Variants in IQSEC1 observed in about 807,000 individuals in gnomAD.
The protein encoded by IQSEC1 is IQ motif and SEC7 domain-containing protein 1.
A neutral mutation model predicts 91.0 loss-of-function variants in IQSEC1; 31 were observed. That is an observed-to-expected ratio of 0.34 (90% CI 0.26 to 0.46). IQSEC1 has a LOEUF of 0.46. Ranked by LOEUF, IQSEC1 falls within the 20% of genes least tolerant of loss-of-function variation. The pLI, the probability that IQSEC1 is intolerant of heterozygous loss-of-function variation, is 1.00. For synonymous variants in IQSEC1, 699 were observed against 662.6 expected, an observed-to-expected ratio of 1.05 and a Z score of -0.84; for missense variants, 1,388 against 1,575.6, an observed-to-expected ratio of 0.88 and a Z score of 2.02.
At chr3:13,200,792 CT>C (rs2125048754) in intron 1 of IQSEC1, among the ~76,000 whole-genome samples, 1 of 152,346 alleles carries the variant, frequency 6.6e-6, no homozygotes, top group East Asian at 1.9e-4. Flanking sequence ...CAGTTACTGC[CT>C]TGCTGTTTTG....
intron 1 of IQSEC1, among the ~76,000 whole-genome samples, chr3:13,001,539 G>A (rs954936414): frequency 3.3e-5 from 5 of 152,198 alleles, no homozygotes; most frequent in African/African-American, 9.7e-5. Context: ...ATAAAGAAAA[G>A]GCAGCCACGA....
intron 2 of IQSEC1, among the ~76,000 whole-genome samples, chr3:13,087,151 G>A (rs1376846741): frequency 6.6e-6 from 1 of 151,224 alleles, no homozygotes; most frequent in Non-Finnish European, 1.5e-5. Context: ...TCTTCCTACA[G>A]TCTAAATCTA....
intron 2 of IQSEC1, among the ~76,000 whole-genome samples, chr3:13,099,915 G>A (rs986999122): frequency 6.6e-6 from 1 of 152,228 alleles, no homozygotes; most frequent in Non-Finnish European, 1.5e-5. Context: ...CAGGAACAAG[G>A]AATCAGGGTG....
intron 1 of IQSEC1, among the ~76,000 whole-genome samples, chr3:13,184,653 G>A (rs1164639263): frequency 6.6e-6 from 1 of 152,208 alleles, no homozygotes; most frequent in Non-Finnish European, 1.5e-5. Flanking sequence ...AGAAGAACCA[G>A]AACTGTCTCC....
intron 1 of IQSEC1, among the ~76,000 whole-genome samples, chr3:13,037,725 C>G (rs1210892301): frequency 6.6e-6 from 1 of 152,078 alleles, no homozygotes; most frequent in African/African-American, 2.4e-5. Flanking sequence ...ATGGATGAAC[C>G]TTGAGGCCAC....
intron 2 of IQSEC1, among the ~76,000 whole-genome samples, chr3:13,081,956 C>A (rs1705653023): frequency 6.6e-6 from 1 of 152,234 alleles, no homozygotes; most frequent in South Asian, 2.1e-4. Context: ...CGACCAAAGA[C>A]TGCAGGGGTC....
At chr3:13,154,446 T>C (rs752317146) in intron 2 of IQSEC1, among the ~76,000 whole-genome samples, 1,163 of 58,360 alleles carry the variant, frequency 0.02, 52 homozygotes, top group East Asian at 0.05. Context: ...TGCATATATA[T>C]ATATATATAT....
At chr3:13,239,653 C>A (rs1181026705) in intron 1 of IQSEC1, among the ~76,000 whole-genome samples, 1 of 152,260 alleles carries the variant, frequency 6.6e-6, no homozygotes, top group African/African-American at 2.4e-5. Flanking sequence ...TTACTGAGGA[C>A]AAACCCTCGG....
intron 13 of IQSEC1, 130 bp from the exon 14 acceptor site, chr3:12,901,652 GGTGGGGCTCA>G (rs1694323282): frequency 1.3e-6 from 1 of 789,738 alleles, no homozygotes; most frequent in Admixed American, 2.5e-5. Flanking sequence ...CTGGCCAGAG[GGTGGGGCTCA>G]GTGAGGCTGG....
chr3:13,044,338 C>T (rs1704407477), intron 1 of IQSEC1, among the ~76,000 whole-genome samples: 1 of 152,198 alleles, frequency 6.6e-6, no homozygotes, highest in Admixed American at 6.5e-5. Flanking sequence ...CACAGGACAG[C>T]CCCCACACCA....
chr3:13,142,226 G>A (rs935989219), intron 2 of IQSEC1, among the ~76,000 whole-genome samples: 90 of 152,364 alleles, frequency 5.9e-4, no homozygotes, highest in African/African-American at 2.1e-3. Flanking sequence ...GGCTGCGGGA[G>A]TGCATTTACC....
intron 1 of IQSEC1, among the ~76,000 whole-genome samples, chr3:13,046,839 G>A (rs955227970): frequency 1.3e-5 from 2 of 152,182 alleles, no homozygotes; most frequent in African/African-American, 4.8e-5. Context: ...AGCCCTCTAA[G>A]CCACCTCCAC....
At chr3:13,274,793 C>A (rs560914787) in intron 1 of IQSEC1, among the ~76,000 whole-genome samples, 1 of 152,364 alleles carries the variant, frequency 6.6e-6, no homozygotes, top group East Asian at 1.9e-4. Context: ...CCCATAGCAG[C>A]CCTGCCAGCT....
chr3:12,914,060 C>G (rs1291727303), intron 8 of IQSEC1, among the ~76,000 whole-genome samples: 1 of 152,234 alleles, frequency 6.6e-6, no homozygotes, highest in Non-Finnish European at 1.5e-5. Context: ...TTCCAGGCCC[C>G]AGGACTTTTC....
intron 1 of IQSEC1, among the ~76,000 whole-genome samples, chr3:13,176,397 A>G (rs34471533): frequency 0.21 from 31,279 of 152,018 alleles, 4,587 homozygotes; most frequent in African/African-American, 0.41. Flanking sequence ...GACTCTCCAG[A>G]CCCCATGAGA....
chr3:12,993,295 G>A (rs373427711), intron 1 of IQSEC1, among the ~76,000 whole-genome samples: 8 of 152,290 alleles, frequency 5.3e-5, no homozygotes, highest in Admixed American at 3.9e-4. Context: ...GCAGGGACAG[G>A]GCCAGGTTGG....
upstream of IQSEC1, among the ~76,000 whole-genome samples, chr3:13,076,401 C>T (rs1705562223): frequency 6.6e-6 from 1 of 152,182 alleles, no homozygotes; most frequent in Admixed American, 6.5e-5. Flanking sequence ...CATCTCCCTT[C>T]CCTCAACGGG....
At chr3:13,015,371 C>T (rs1273201795) in intron 1 of IQSEC1, among the ~76,000 whole-genome samples, 1 of 152,084 alleles carries the variant, frequency 6.6e-6, no homozygotes, top group East Asian at 1.9e-4. Context: ...TGGGGAAACA[C>T]CTGGTGTTCC....
At chr3:13,260,935 C>A (rs763395358) in intron 1 of IQSEC1, among the ~76,000 whole-genome samples, 15 of 152,302 alleles carry the variant, frequency 9.8e-5, no homozygotes, top group Non-Finnish European at 1.9e-4. Context: ...CCACCCAGCC[C>A]CCACAGCAGA....
Sources: allele counts gnomAD v4.1 joint callset (sites outside exome capture counted in the v4.1 genomes callset), GRCh38; gene constraint gnomAD v4.1.1; transcripts MANE v1.5; gene names NCBI Gene and HGNC (gene_info 2026-07-23, HGNC 2026-07-21).